The following DST variants were observed in gnomAD, a reference collection of about 807,000 sequenced individuals.
DST encodes dystonin.
A neutral mutation model predicts 875.2 loss-of-function variants in DST; 253 were observed. The ratio of observed to expected loss-of-function variants is 0.29; its 90% confidence interval spans 0.26 to 0.32. The LOEUF is 0.32. Among genes scored for constraint, DST ranks in the 10% least tolerant of loss-of-function variants. DST has a pLI of 1.00. For missense variants in DST, 8,287 were observed against 9,111.6 expected, an observed-to-expected ratio of 0.91 and a Z score of 3.68; for synonymous variants, 3,124 against 3,197.1, an observed-to-expected ratio of 0.98 and a Z score of 0.77.
At chr6:56,505,815 T>G (rs1158743213) in intron 77 of DST, among the ~76,000 whole-genome samples, 11 of 152,138 alleles carry the variant, frequency 7.2e-5, no homozygotes, top group African/African-American at 2.6e-4. Flanking sequence ...TGGCCTCAAC[T>G]GACAAGATAA....
chr6:56,701,831 C>T lies in DST; in HGVS notation c.954+57G>A, dbSNP rs571508291. ...CTTGTCATTCCTTGACATGTTTCTA[C>T]GTGGATGTATTAGTAACATATATTT... On this transcript the variant is annotated intron_variant, in intron 8 of 103. Transcript: ENST00000680361. 8.2e-5 allele frequency: 89 copies of T among 1,079,638 alleles called. 1 individual carries two copies. In the Admixed American group the frequency reaches 1.0e-3, roughly 12 times the overall value. 66.9% of individuals were successfully genotyped at this position (1,079,638 alleles called of 1,614,324 possible). A position where few individuals can be genotyped will look rare whatever the true frequency, so the allele number is the denominator to read the frequency against.
chr6:56,654,586 C>CTATATATA lies in DST; in HGVS notation c.1215-3350_1215-3343dup, dbSNP rs138507484. ...TCTTAAAAGAGCAATCTCCCCTAGG[C>CTATATATA]TATATATATATATATATATCTCCAC... On this transcript the variant is annotated intron_variant, in intron 10 of 103. Transcript: ENST00000680361. Among the ~76,000 whole-genome samples the CTATATATA allele has an allele frequency of 4.5e-4, 60 of 133,328 alleles. 7 individuals carry two copies. Among genetic ancestry groups the CTATATATA allele is most frequent in the African/African-American group, 1.5e-3 (45 of 29,042 alleles). 87.5% of individuals were successfully genotyped at this position (133,328 alleles called of 152,430 possible). A position where few individuals can be genotyped will look rare whatever the true frequency, so the allele number is the denominator to read the frequency against.
intron 10 of DST, among the ~76,000 whole-genome samples, chr6:56,659,922 C>T (rs1156482936): frequency 6.6e-6 from 1 of 152,128 alleles, no homozygotes; most frequent in Non-Finnish European, 1.5e-5. Flanking sequence ...GGAGAGAGGA[C>T]TCCTGTGTTG....
intron 5 of DST, among the ~76,000 whole-genome samples, chr6:56,721,945 A>C (rs1421652608): frequency 6.6e-6 from 1 of 152,252 alleles, no homozygotes; most frequent in Non-Finnish European, 1.5e-5. Context: ...TGAGGGCCAT[A>C]TAGTATATAA....
rs541099292 is a variant in DST, at chr6:56,470,964, AT to A, written c.22321+141del. On this transcript the variant is annotated intron_variant, in intron 95 of 103. Coordinates refer to ENST00000680361, the MANE Select transcript of DST (RefSeq NM_001374736.1). The stretch of plus-strand genomic sequence containing the variant: ...GAGCCACAAATTTTACCAAAAAAAC[AT>A]TTTTTTAAGGGTCGTGACTTCCTAG... 636 of 853,514 alleles carry A rather than the reference AT, an allele frequency of 7.5e-4. 9 individuals are homozygous for A. The South Asian group carries it at 0.011, about 15-fold the overall frequency. 52.9% of individuals were successfully genotyped at this position (853,514 alleles called of 1,614,324 possible).
At position 56,636,630 on chromosome 6, in the gene DST, G is replaced by A. The variant is rs780603543; in HGVS notation, c.2987C>T (p.Thr996Met). ...TIEAYRAAMQ[T>M]QWSWILQLCQ... ...GAGCTGTAAGATCCAGCTCCACTGCGTCTGCATTGCCGCTCTGTAGGCCTT... is the reference window on the plus strand; with the variant it reads ...GAGCTGTAAGATCCAGCTCCACTGCATCTGCATTGCCGCTCTGTAGGCCTT... The change falls in exon 23 of 104, where the codon ACG (threonine) becomes ATG (methionine). Residue 996 changes from threonine to methionine, a missense_variant. Physicochemically the swap from Thr to Met is moderately conservative, Grantham distance 81 (BLOSUM62 -1). Transcript: ENST00000680361. 28 of 1,613,428 alleles carry A rather than the reference G, an allele frequency of 1.7e-5. No individual in the cohort carries two copies. The highest frequency in any genetic ancestry group is 4.5e-5 in the East Asian group (2 of 44,894).
chr6:56,731,443 G>C (rs1257957190), intron 5 of DST, among the ~76,000 whole-genome samples: 1 of 152,174 alleles, frequency 6.6e-6, no homozygotes, highest in Admixed American at 6.5e-5. Flanking sequence ...ACAATAGTTT[G>C]TTAAATACTG....
At position 56,575,878 on chromosome 6, in the gene DST, T is replaced by C. The variant is rs577021490; in HGVS notation, c.13028-1991A>G. Among the ~76,000 whole-genome samples, 40 of 152,220 alleles carry C rather than the reference T, an allele frequency of 2.6e-4. 2 individuals are homozygous for C. In the South Asian group the frequency reaches 8.3e-3, roughly 32 times the overall value. On this transcript the variant is annotated intron_variant, in intron 50 of 103. Coordinates refer to ENST00000680361, the MANE Select transcript of DST (RefSeq NM_001374736.1). ...GGCAGAGCTCCTAAGTCCCTTGGAA[T>C]TCCTTCATGAGGGGCATCTTTTGTT... is the stretch of plus-strand genomic sequence containing the variant.
intron 10 of DST, among the ~76,000 whole-genome samples, chr6:56,661,139 C>T (rs941620772): frequency 6.6e-6 from 1 of 151,902 alleles, no homozygotes; most frequent in African/African-American, 2.4e-5. Context: ...GATAAATACA[C>T]CCTCCCCAAA....
intron 4 of DST, among the ~76,000 whole-genome samples, chr6:56,740,462 G>A (rs1464958258): frequency 1.3e-5 from 2 of 152,196 alleles, no homozygotes; most frequent in Non-Finnish European, 1.5e-5. Context: ...GCAGTCAGGT[G>A]GGGCTTAAAG....
At chr6:56,757,299 A>G (rs940621736) in intron 4 of DST, among the ~76,000 whole-genome samples, 3 of 152,198 alleles carry the variant, frequency 2.0e-5, no homozygotes, top group African/African-American at 7.2e-5. Flanking sequence ...TACAAACCCA[A>G]GTGTTTATAA....
chr6:56,773,777 C>A (rs1229065516), intron 4 of DST, among the ~76,000 whole-genome samples: 1 of 152,180 alleles, frequency 6.6e-6, no homozygotes, highest in Non-Finnish European at 1.5e-5. Context: ...CTGGACTCAG[C>A]CTGTGAGCCA....
chr6:56,516,570 T>C (rs1381899197), intron 71 of DST, among the ~76,000 whole-genome samples: 1 of 151,106 alleles, frequency 6.6e-6, no homozygotes, highest in Non-Finnish European at 1.5e-5. Flanking sequence ...GAGATTCCTA[T>C]TTTTTTTGCC....
chr6:56,824,165 C>T (rs932070846), intron 4 of DST, among the ~76,000 whole-genome samples: 1 of 152,184 alleles, frequency 6.6e-6, no homozygotes, highest in Non-Finnish European at 1.5e-5. Context: ...CGCGCCGCCA[C>T]GCCTGACTGG....
At chr6:56,886,573 C>G (rs1186132067) in intron 3 of DST, among the ~76,000 whole-genome samples, 2 of 152,036 alleles carry the variant, frequency 1.3e-5, no homozygotes, top group Admixed American at 1.3e-4. Flanking sequence ...GTTAGGAGTT[C>G]GAGACCACCC....
chr6:56,494,082 T>G lies in DST; in HGVS notation c.20322A>C (p.Thr6774=). 1 of 1,611,760 alleles carries G rather than the reference T, an allele frequency of 6.2e-7. No individual in the cohort carries two copies. The highest frequency in any genetic ancestry group is 8.5e-7 in the Non-Finnish European group (1 of 1,178,586). ...AGTTATTTATGTCTTGGTCAATATTTGTCTCTGCAGATTTTGGGCATCTTG... is the reference window on the plus strand; with the variant it reads ...AGTTATTTATGTCTTGGTCAATATTGGTCTCTGCAGATTTTGGGCATCTTG... ...MLARCPKSAE[T]NIDQDINNLK... The change falls in exon 83 of 104, where the codon ACA becomes ACC. Residue 6774 remains threonine, a synonymous_variant. Transcript: ENST00000680361.
chr6:56,736,977 T>C (rs1407691713), intron 4 of DST, among the ~76,000 whole-genome samples: 1 of 152,120 alleles, frequency 6.6e-6, no homozygotes, highest in Non-Finnish European at 1.5e-5. Context: ...ATTTGGAGAC[T>C]AGCCTGGGCA....
At chr6:56,505,651 T>C (rs1195270468) in intron 77 of DST, among the ~76,000 whole-genome samples, 3 of 152,114 alleles carry the variant, frequency 2.0e-5, no homozygotes, top group Non-Finnish European at 2.9e-5. Context: ...GGAAAAGATG[T>C]TCTCATCTGG....
chr6:56,479,205 C>T lies in DST; in HGVS notation c.21532-1717G>A, dbSNP rs139040899. 3.0e-3 allele frequency among the ~76,000 whole-genome samples: 454 copies of T among 152,216 alleles called. 8 individuals are homozygous for T. The highest frequency in any genetic ancestry group is 0.027 in the Admixed American group (413 of 15,284). ...TCAACATCACTAATTATCAGAGATA[C>T]ACAAATTAAAGCCACCCTGAGATAT... On this transcript the variant is annotated intron_variant, in intron 90 of 103. Transcript: ENST00000680361.
Sources: allele counts gnomAD v4.1 joint callset (sites outside exome capture counted in the v4.1 genomes callset), GRCh38; gene constraint gnomAD v4.1.1; transcripts MANE v1.5; gene names NCBI Gene and HGNC (gene_info 2026-07-23, HGNC 2026-07-21).